The following MACROD2 variants were observed in gnomAD, a reference collection of about 807,000 sequenced individuals.
MACROD2 encodes mono-ADP ribosylhydrolase 2.
A neutral mutation model predicts 70.4 loss-of-function variants in MACROD2; 36 were observed. The observed-to-expected ratio is 0.51, with a 90% CI of 0.39 to 0.68. MACROD2 has a LOEUF of 0.68. MACROD2 is among the 30% of genes least tolerant of loss of function. MACROD2 has a pLI of 0.00. For missense variants in MACROD2, 496 were observed against 538.4 expected (o/e 0.92, Z 0.78); for synonymous variants, 172 against 178.8 (o/e 0.96, Z 0.30).
intron 8 of MACROD2, among the ~76,000 whole-genome samples, chr20:15,775,511 C>T (rs944748405): frequency 3.3e-5 from 5 of 152,072 alleles, no homozygotes; most frequent in South Asian, 2.1e-4. Flanking sequence ...CATGTCTGAC[C>T]TCCCATTTCA....
At chr20:14,274,116 G>A (rs548124665) in intron 3 of MACROD2, among the ~76,000 whole-genome samples, 7 of 152,252 alleles carry the variant, frequency 4.6e-5, no homozygotes, top group South Asian at 2.1e-4. Flanking sequence ...ATCAATAGAA[G>A]AAGAGGGAAT....
intron 8 of MACROD2, among the ~76,000 whole-genome samples, chr20:15,757,759 A>G (rs1205399808): frequency 6.6e-6 from 1 of 152,122 alleles, no homozygotes; most frequent in East Asian, 1.9e-4. Flanking sequence ...TAGAGAAGAG[A>G]GAGAGAGAAA....
chr20:14,730,493 GCTGGGAAC>G (rs1318232852), intron 5 of MACROD2, among the ~76,000 whole-genome samples: 1 of 152,100 alleles, frequency 6.6e-6, no homozygotes, highest in Non-Finnish European at 1.5e-5. Context: ...GCTTCAGAGT[GCTGGGAAC>G]CACAGCTGTC....
At chr20:15,668,348 A>G (rs2049930182) in intron 8 of MACROD2, among the ~76,000 whole-genome samples, 1 of 152,012 alleles carries the variant, frequency 6.6e-6, no homozygotes, top group South Asian at 2.1e-4. Flanking sequence ...CAGGCAGATC[A>G]CCTGAGGTCG....
chr20:15,530,716 C>CAAAAA lies in MACROD2; in HGVS notation c.645+30884_645+30888dup, dbSNP rs57826871. ...GGTGACAGAGTGAGACTCCATCTCA[C>CAAAAA]AAAAAAAAAAAAAAAAAAAGATACT... On this transcript the variant is annotated intron_variant, in intron 8 of 17. Coordinates refer to ENST00000684519, the MANE Select transcript of MACROD2 (RefSeq NM_001351661.2). Among the ~76,000 whole-genome samples, 145 of 90,418 alleles carry CAAAAA rather than the reference C, an allele frequency of 1.6e-3. 3 individuals carry two copies. Among genetic ancestry groups the CAAAAA allele is most frequent in the East Asian group, 0.012 (34 of 2,882 alleles). 59.3% of individuals were successfully genotyped at this position (90,418 alleles called of 152,430 possible).
At chr20:15,880,333 A>G (rs1204052429) in intron 9 of MACROD2, among the ~76,000 whole-genome samples, 3 of 151,534 alleles carry the variant, frequency 2.0e-5, no homozygotes, top group Non-Finnish European at 4.4e-5. Flanking sequence ...TCACGTCCAC[A>G]TGTTTTTACA....
intron 4 of MACROD2, among the ~76,000 whole-genome samples, chr20:14,634,643 T>G (rs984581618): frequency 6.6e-6 from 1 of 151,606 alleles, no homozygotes; most frequent in Non-Finnish European, 1.5e-5. Flanking sequence ...AGAGTTTTAC[T>G]TGAATTGCCT....
chr20:15,506,984 C>G (rs2146504302), intron 8 of MACROD2, among the ~76,000 whole-genome samples: 1 of 152,250 alleles, frequency 6.6e-6, no homozygotes, highest in South Asian at 2.1e-4. Context: ...TTGAAATGGT[C>G]ACATCCTATG....
chr20:14,760,351 A>G (rs1436703781), intron 5 of MACROD2, among the ~76,000 whole-genome samples: 1 of 152,152 alleles, frequency 6.6e-6, no homozygotes, highest in Non-Finnish European at 1.5e-5. Flanking sequence ...ATCTGATACT[A>G]TAAGCATACA....
chr20:14,757,159 G>A (rs2071952050), intron 5 of MACROD2, among the ~76,000 whole-genome samples: 1 of 152,120 alleles, frequency 6.6e-6, no homozygotes, highest in African/African-American at 2.4e-5. Flanking sequence ...AAGGTGTCTT[G>A]TAGAGTTTTG....
intron 6 of MACROD2, among the ~76,000 whole-genome samples, chr20:15,402,785 GT>G (rs2045947980): frequency 6.6e-6 from 1 of 152,186 alleles, no homozygotes; most frequent in South Asian, 2.1e-4. Flanking sequence ...ATAATTTGAT[GT>G]GATTAAATAA....
intron 8 of MACROD2, among the ~76,000 whole-genome samples, chr20:15,595,246 A>T (rs538762573): frequency 6.6e-6 from 1 of 152,348 alleles, no homozygotes; most frequent in South Asian, 2.1e-4. Flanking sequence ...TGCACTAAAA[A>T]TGGTTAAGAT....
At chr20:14,493,195 A>G (rs1162447719) in intron 3 of MACROD2, among the ~76,000 whole-genome samples, 1 of 152,004 alleles carries the variant, frequency 6.6e-6, no homozygotes, top group Admixed American at 6.6e-5. Flanking sequence ...TAGATACAGA[A>G]TTGAGAATAA....
chr20:15,607,357 G>T (rs979920612), intron 8 of MACROD2, among the ~76,000 whole-genome samples: 2 of 152,164 alleles, frequency 1.3e-5, no homozygotes, highest in African/African-American at 4.8e-5. Flanking sequence ...AATTAGGTTT[G>T]CTTGGGAAAT....
At position 15,975,629 on chromosome 20, in the gene MACROD2, T is replaced by C. The variant is rs79556975; in HGVS notation, c.985+7999T>C. Among the ~76,000 whole-genome samples the C allele has an allele frequency of 6.4e-3, 973 of 152,320 alleles. 9 individuals carry two copies. The highest frequency in any genetic ancestry group is 0.022 in the African/African-American group (897 of 41,576). On this transcript the variant is annotated intron_variant, in intron 13 of 17. Coordinates refer to ENST00000684519, the MANE Select transcript of MACROD2 (RefSeq NM_001351661.2). The stretch of plus-strand genomic sequence containing the variant: ...GTGTAAATATGTTTTGATCCCAGGA[T>C]ATATTTACATATTTTTGCATATGTC...
intron 3 of MACROD2, among the ~76,000 whole-genome samples, chr20:14,349,887 T>A (rs1386019906): frequency 6.7e-6 from 1 of 148,574 alleles, no homozygotes; most frequent in Non-Finnish European, 1.5e-5. Context: ...TAGCTGGAAC[T>A]ACAGGCATGC....
chr20:14,634,086 G>T (rs1984655459), intron 4 of MACROD2, among the ~76,000 whole-genome samples: 1 of 152,178 alleles, frequency 6.6e-6, no homozygotes, highest in African/African-American at 2.4e-5. Flanking sequence ...CCCTGGGCGT[G>T]CCATTTCCCA....
At chr20:14,199,104 T>C (rs1230087443) in intron 3 of MACROD2, among the ~76,000 whole-genome samples, 1 of 152,168 alleles carries the variant, frequency 6.6e-6, no homozygotes, top group Non-Finnish European at 1.5e-5. Flanking sequence ...TACTAAAGCT[T>C]ATCTTCAGGG....
rs1002740219 is a variant in MACROD2, at chr20:14,846,541, G to A, written c.418+161582G>A. ...CACCTTTTAATTTTTTTTTTGAGAC[G>A]GAGTCTCCCTCTCTCACCCAGGCTG... On this transcript the variant is annotated intron_variant, in intron 5 of 17. Coordinates refer to ENST00000684519, the MANE Select transcript of MACROD2 (RefSeq NM_001351661.2). Among the ~76,000 whole-genome samples, 16 of 149,600 alleles carry A rather than the reference G, an allele frequency of 1.1e-4. No homozygotes were observed. In the South Asian group the frequency reaches 2.7e-3, roughly 26 times the overall value.
Sources: gnomAD v4.1 joint callset for allele counts (sites outside exome capture counted in the v4.1 genomes callset) on GRCh38, gnomAD v4.1.1 for gene constraint, MANE v1.5 for transcripts, NCBI Gene and HGNC (gene_info 2026-07-23, HGNC 2026-07-21) for gene names.